SNW1: variants seen among roughly 807,000 people sequenced by gnomAD.
SNW1 encodes SNW domain containing 1, also known as SNW domain-containing protein 1.
Under a neutral mutation model 75.6 loss-of-function variants are expected in SNW1, and 9 were observed. The ratio of observed to expected loss-of-function variants is 0.12; its 90% CI spans 0.07 to 0.21. The LOEUF (loss-of-function observed/expected upper bound fraction) is 0.21, where lower values mean the gene tolerates loss of function less well. Ranked by LOEUF, SNW1 falls within the 10% of genes least tolerant of loss-of-function variation. SNW1 has a pLI of 1.00. For missense variants in SNW1, 409 were observed against 670.9 expected (o/e 0.61, Z 4.31); for synonymous variants, 200 against 219.1 (o/e 0.91, Z 0.77).
chr14:77,717,998 T>C lies in SNW1; in HGVS notation c.*90A>G. On this transcript the variant is annotated 3_prime_UTR_variant, in exon 14 of 14. Coordinates refer to ENST00000261531, the MANE Select transcript of SNW1 (RefSeq NM_012245.3). The stretch of plus-strand genomic sequence containing the variant: ...GGGATCTGGCACCCAGATTTGGTTT[T>C]TATCCTGACCATTTACAAAGTGTTC... 11 of 1,292,964 alleles carry C rather than the reference T, an allele frequency of 8.5e-6. No individual in the cohort carries two copies. The highest frequency in any genetic ancestry group is 1.2e-5 in the Non-Finnish European group (11 of 946,600). 80.1% of individuals were successfully genotyped at this position (1,292,964 alleles called of 1,614,324 possible). A position where few individuals can be genotyped will look rare whatever the true frequency, so the allele number is the denominator to read the frequency against.
intron 8 of SNW1, chr14:77,734,151 T>C (rs2080650922): frequency 9.5e-6 from 2 of 209,890 alleles, no homozygotes; most frequent in Non-Finnish European, 2.0e-5. Flanking sequence ...AACTAGCAAA[T>C]CTATCCCACA....
chr14:77,731,954 T>G (rs1397680051), intron 9 of SNW1, among the ~76,000 whole-genome samples: 2 of 152,208 alleles, frequency 1.3e-5, no homozygotes, highest in Non-Finnish European at 2.9e-5. Context: ...CAGGCTGGTC[T>G]TGAACTCTCA....
chr14:77,758,558 A>G (rs2139938343), intron 1 of SNW1, among the ~76,000 whole-genome samples: 1 of 152,124 alleles, frequency 6.6e-6, no homozygotes, highest in Non-Finnish European at 1.5e-5. Context: ...CTTCACCCCA[A>G]ACTCTGAGTC....
At chr14:77,745,307 T>C (rs1394476537) in intron 3 of SNW1, among the ~76,000 whole-genome samples, 3 of 152,170 alleles carry the variant, frequency 2.0e-5, no homozygotes, top group Non-Finnish European at 4.4e-5. Flanking sequence ...AGGGTAGAAC[T>C]TTCTAGGAAA....
At chr14:77,743,822 G>C (rs945152329) in intron 3 of SNW1, among the ~76,000 whole-genome samples, 1 of 152,032 alleles carries the variant, frequency 6.6e-6, no homozygotes, top group Non-Finnish European at 1.5e-5. Flanking sequence ...TGCTGAAGAT[G>C]GTCCTAAACA....
chr14:77,743,356 A>G (rs2080734310), intron 3 of SNW1, among the ~76,000 whole-genome samples: 1 of 152,186 alleles, frequency 6.6e-6, no homozygotes, highest in Admixed American at 6.5e-5. Flanking sequence ...CACAGTACTT[A>G]CTTCACATGT....
intron 8 of SNW1, chr14:77,733,942 G>A (rs906408349): frequency 9.0e-6 from 4 of 445,362 alleles, no homozygotes; most frequent in African/African-American, 8.1e-5. Context: ...TTTAGTCCAT[G>A]GTCTCATAAT....
chr14:77,728,832 A>C (rs1595077634), intron 10 of SNW1, among the ~76,000 whole-genome samples: 1 of 152,256 alleles, frequency 6.6e-6, no homozygotes, highest in East Asian at 1.9e-4. Flanking sequence ...AGATAATGCA[A>C]ATAAAGTACT....
At position 77,723,245 on chromosome 14, in the gene SNW1, G is replaced by A. The variant is rs2080557822; in HGVS notation, c.1066C>T (p.Arg356Trp). 6.2e-7 allele frequency: 1 copy of A among 1,614,018 alleles called. No individual in the cohort carries two copies. ...DGEARERDEI[R>W]HDRRKERQHD... The stretch of plus-strand genomic sequence containing the variant: ...TGTCTCTCTTTTCGCCTGTCATGCC[G>A]GATTTCATCCCTCTCACGTGCCTCC... Residue 356 changes from arginine (R) to tryptophan (W), a missense_variant, in exon 11 of 14, where the codon CGG becomes TGG. Transcript: ENST00000261531.
At chr14:77,760,778 CA>C in intron 1 of SNW1, 1 of 705,420 alleles carries the variant, frequency 1.4e-6, no homozygotes, top group South Asian at 1.5e-5. Flanking sequence ...CTACCGTCAC[CA>C]ACCCCATCTC....
At position 77,756,246 on chromosome 14, in the gene SNW1, G is replaced by A. The variant is rs1210528905; in HGVS notation, c.15-1126C>T. On this transcript the variant is annotated intron_variant, in intron 1 of 13. Coordinates refer to ENST00000261531, the MANE Select transcript of SNW1 (RefSeq NM_012245.3). ...TGTGATTCTCATGCCTCAGCCTCCC[G>A]AGTAGCTGGGATTACAGGTGCATGC... Among the ~76,000 whole-genome samples, 8 of 151,402 alleles carry A rather than the reference G, an allele frequency of 5.3e-5. No homozygotes were observed. In the South Asian group the frequency reaches 1.0e-3, roughly 20 times the overall value.
At chr14:77,748,839 A>C (rs1475320621) in intron 3 of SNW1, among the ~76,000 whole-genome samples, 1 of 152,110 alleles carries the variant, frequency 6.6e-6, no homozygotes, top group Non-Finnish European at 1.5e-5. Flanking sequence ...CACCCACCTC[A>C]GTCTCCCAAA....
chr14:77,748,543 T>C (rs954666552), intron 3 of SNW1, among the ~76,000 whole-genome samples: 6 of 152,100 alleles, frequency 3.9e-5, no homozygotes, highest in Admixed American at 6.6e-5. Flanking sequence ...TATATACTTG[T>C]GATATATACT....
intron 1 of SNW1, among the ~76,000 whole-genome samples, chr14:77,758,221 G>C (rs1462790099): frequency 6.8e-6 from 1 of 147,338 alleles, no homozygotes; most frequent in Non-Finnish European, 1.5e-5. Flanking sequence ...TCCCAGCTGA[G>C]GCAGGAAAAT....
chr14:77,748,586 A>G lies in SNW1; in HGVS notation c.330+2733T>C, dbSNP rs1014957289. Among the ~76,000 whole-genome samples, 53 of 151,950 alleles carry G rather than the reference A, an allele frequency of 3.5e-4. 1 individual carries two copies. The highest frequency in any genetic ancestry group is 2.9e-5 in the Non-Finnish European group (2 of 67,956). On this transcript the variant is annotated intron_variant, in intron 3 of 13. Coordinates refer to ENST00000261531, the MANE Select transcript of SNW1 (RefSeq NM_012245.3). ...TCTTTTACTATAATATATTATTTGT[A>G]TAACTTTTTTTTTTATTTGAGACAG...
intron 4 of SNW1, 28 bp downstream of exon 4, chr14:77,738,938 G>A: frequency 1.2e-6 from 2 of 1,608,366 alleles, no homozygotes; most frequent in Non-Finnish European, 1.7e-6. Flanking sequence ...GATGTAAATA[G>A]TCATCGAATA....
At chr14:77,750,846 G>A (rs958477520) in intron 3 of SNW1, among the ~76,000 whole-genome samples, 5 of 152,236 alleles carry the variant, frequency 3.3e-5, no homozygotes, top group African/African-American at 1.2e-4. Context: ...AAAGAAGTTT[G>A]TGTAATTTAT....
intron 11 of SNW1, 192 bp downstream of exon 11, chr14:77,722,989 C>T (rs898483393): frequency 1.7e-5 from 9 of 536,540 alleles, no homozygotes; most frequent in Admixed American, 1.4e-4. Flanking sequence ...GGACTACAGG[C>T]GCCTGCCACG....
intron 8 of SNW1, among the ~76,000 whole-genome samples, chr14:77,734,505 C>T (rs999543246): frequency 6.6e-6 from 1 of 152,170 alleles, no homozygotes; most frequent in Non-Finnish European, 1.5e-5. Flanking sequence ...TTTGGGTGGC[C>T]GAGGCCGGCG....
Sources: allele counts gnomAD v4.1 joint callset (sites outside exome capture counted in the v4.1 genomes callset), GRCh38; gene constraint gnomAD v4.1.1; transcripts MANE v1.5; gene names NCBI Gene and HGNC (gene_info 2026-07-23, HGNC 2026-07-21).